The following USP34 variants were observed in gnomAD, a reference collection of about 807,000 sequenced individuals.
USP34 encodes ubiquitin carboxyl-terminal hydrolase 34.
A neutral mutation model predicts 460.3 loss-of-function variants in USP34; 70 were observed. That is an observed-to-expected ratio of 0.15 (90% CI 0.13 to 0.19). The LOEUF is 0.19. Ranked by LOEUF, USP34 falls within the 10% of genes least tolerant of loss-of-function variation. The pLI is 1.00. For missense variants in USP34, 3,985 were observed against 4,236.2 expected, an observed-to-expected ratio of 0.94 and a Z score of 1.65; for synonymous variants, 1,647 against 1,405.3, an observed-to-expected ratio of 1.17 and a Z score of -3.85.
rs567085487 is a variant in USP34 at position 61,248,812 on chromosome 2, A to C, written c.6222-129T>G. On this transcript the variant is annotated intron_variant, in intron 48 of 79. Transcript: ENST00000398571. ...AGAAGTATAGTAGTTCCCCTTATCCACAGGGGATACCTTCTGAGAACACCC... is the reference window on the plus strand; with the variant it reads ...AGAAGTATAGTAGTTCCCCTTATCCCCAGGGGATACCTTCTGAGAACACCC... The C allele has an allele frequency of 9.0e-6, 7 of 779,102 alleles. No individual in the cohort carries two copies. The East Asian group carries it at 2.0e-4, about 22-fold the overall frequency. The allele number at this position is 779,102 out of a possible 1,614,324, so 48.3% of individuals were successfully genotyped here.
chr2:61,271,854 T>A (rs1328559437), intron 41 of USP34, among the ~76,000 whole-genome samples: 2 of 152,188 alleles, frequency 1.3e-5, no homozygotes, highest in East Asian at 1.9e-4. Context: ...AACTATTTTT[T>A]AAAAATACTT....
intron 64 of USP34, 55 bp from the exon 65 acceptor site, chr2:61,222,718 A>G: frequency 6.5e-7 from 1 of 1,548,978 alleles, no homozygotes; most frequent in Non-Finnish European, 8.8e-7. Flanking sequence ...TGTTTTTGAG[A>G]CAGGGTTTCG....
chr2:61,422,321 T>C (rs144634760), intron 1 of USP34, among the ~76,000 whole-genome samples: 7 of 152,054 alleles, frequency 4.6e-5, no homozygotes, highest in African/African-American at 1.7e-4. Flanking sequence ...CATATCCTAC[T>C]CTAACAAAAA....
intron 23 of USP34, among the ~76,000 whole-genome samples, chr2:61,316,143 T>G (rs1171254828): frequency 1.3e-5 from 2 of 151,668 alleles, no homozygotes; most frequent in Non-Finnish European, 2.9e-5. Context: ...GAGGCGGAGG[T>G]TGCAGTGAGC....
intron 43 of USP34, among the ~76,000 whole-genome samples, chr2:61,264,411 G>C (rs1405839830): frequency 6.6e-6 from 1 of 152,202 alleles, no homozygotes; most frequent in East Asian, 1.9e-4. Flanking sequence ...CAAGGTAGAA[G>C]CATCTTGTAA....
At chr2:61,257,132 A>G (rs777186894) in intron 45 of USP34, 24 bp from the exon 46 acceptor site, 29 of 1,572,894 alleles carry the variant, frequency 1.8e-5, no homozygotes, top group Admixed American at 6.1e-5. Flanking sequence ...CAAACAAAAA[A>G]TAAGAAACTA....
intron 1 of USP34, among the ~76,000 whole-genome samples, chr2:61,470,398 G>A (rs889076957): frequency 8.6e-5 from 13 of 151,634 alleles, no homozygotes; most frequent in Non-Finnish European, 1.3e-4. Context: ...CTTTCCGAGA[G>A]CCCAGAGCGC....
intron 1 of USP34, among the ~76,000 whole-genome samples, chr2:61,463,126 A>G (rs1322287155): frequency 1.3e-5 from 2 of 152,194 alleles, no homozygotes; most frequent in African/African-American, 4.8e-5. Flanking sequence ...AGTATCTAAA[A>G]AGCTCTGGAA....
rs760366523 is a variant in USP34 at position 61,343,891 on chromosome 2, T to G, written c.2424A>C (p.Ser808=). 1.2e-6 allele frequency: 2 copies of G among 1,614,006 alleles called. No homozygotes were observed. The highest frequency in any genetic ancestry group is 2.2e-5 in the South Asian group (2 of 91,086). The part of the protein sequence containing the change: ...GCEEELVQIN[S]HAELTSHLQQ... ...GGAGGTGAGATGTCAGTTCCGCATG[T>G]GAATTAATCTGAACTAGCTCCTCTT... The change falls in exon 16 of 80, where the codon TCA becomes TCC. Residue 808 remains serine, a synonymous_variant. Coordinates refer to ENST00000398571, the MANE Select transcript of USP34 (RefSeq NM_014709.4).
At chr2:61,416,821 T>TTTGG (rs770675371) in intron 2 of USP34, 12 of 219,574 alleles carry the variant, frequency 5.5e-5, no homozygotes, top group South Asian at 2.5e-4. Context: ...TTTTTTTTTT[T>TTTGG]GGGGGGGGGG....
Position 61,295,185 on chromosome 2 carries a change from T to C in USP34, c.4360A>G (p.Ile1454Val), listed in dbSNP as rs375984046. ...GCAATTACCGTAGACTCCCTCCTTA[T>C]TCTTCTATTAGGTTTTCCCAGTGCT... ...IEALGKPNRR[I>V]RRESTGSYSD... The change falls in exon 31 of 80, where the codon ATA becomes GTA. Residue 1454 changes from isoleucine (I) to valine (V), a missense_variant. Physicochemically the swap from Ile to Val is conservative, Grantham distance 29. Coordinates refer to ENST00000398571, the MANE Select transcript of USP34 (RefSeq NM_014709.4). The C allele has an allele frequency of 2.7e-5, 43 of 1,610,756 alleles. No homozygotes were observed. Among genetic ancestry groups the C allele is most frequent in the Non-Finnish European group, 3.6e-5 (43 of 1,179,118 alleles).
intron 27 of USP34, among the ~76,000 whole-genome samples, chr2:61,309,706 T>C (rs1690527271): frequency 6.6e-6 from 1 of 152,184 alleles, no homozygotes; most frequent in South Asian, 2.1e-4. Context: ...GATCTACTCC[T>C]GAGAGTTATG....
intron 3 of USP34, among the ~76,000 whole-genome samples, chr2:61,397,791 C>T (rs1260411049): frequency 3.3e-5 from 5 of 151,774 alleles, no homozygotes; most frequent in African/African-American, 4.8e-5. Context: ...CCCAGCTCCT[C>T]GGGAGGCTGA....
Position 61,242,433 on chromosome 2 carries a change from G to T in USP34, c.6628-614C>A, listed in dbSNP as rs145417645. On this transcript the variant is annotated intron_variant, in intron 51 of 79. Transcript: ENST00000398571. ...AGAAAAAGGTAAGAGTCAGAAAAAGGTAAGAGTCAACCAAAGATAATACAT... is the reference window on the plus strand; with the variant it reads ...AGAAAAAGGTAAGAGTCAGAAAAAGTTAAGAGTCAACCAAAGATAATACAT... 2.6e-4 allele frequency among the ~76,000 whole-genome samples: 35 copies of T among 134,460 alleles called. 1 individual carries two copies. The East Asian group carries it at 6.6e-3, about 26-fold the overall frequency. 88.2% of individuals were successfully genotyped at this position (134,460 alleles called of 152,430 possible).
At chr2:61,264,360 C>T (rs1688984727) in intron 43 of USP34, among the ~76,000 whole-genome samples, 2 of 152,122 alleles carry the variant, frequency 1.3e-5, no homozygotes, top group Non-Finnish European at 2.9e-5. Flanking sequence ...TGAGGCCAGG[C>T]TTGGTAGCTT....
intron 41 of USP34, among the ~76,000 whole-genome samples, chr2:61,270,157 G>T (rs1349842086): frequency 3.3e-5 from 5 of 152,314 alleles, no homozygotes; most frequent in African/African-American, 9.6e-5. Flanking sequence ...CAATGTGATG[G>T]TATTAGAAGG....
intron 3 of USP34, among the ~76,000 whole-genome samples, chr2:61,398,188 G>C (rs949403280): frequency 6.6e-6 from 1 of 152,022 alleles, no homozygotes; most frequent in Non-Finnish European, 1.5e-5. Flanking sequence ...TCACGGGCGA[G>C]ACCCAATCTC....
rs1308767172 is a variant in USP34, at chr2:61,204,482, T to C, written c.9259+15A>G. 11 of 1,613,056 alleles carry C rather than the reference T, an allele frequency of 6.8e-6. No individual in the cohort carries two copies. The highest frequency in any genetic ancestry group is 1.3e-5 in the African/African-American group (1 of 74,920). On this transcript the variant is annotated intron_variant, in intron 73 of 79. Coordinates refer to ENST00000398571, the MANE Select transcript of USP34 (RefSeq NM_014709.4). ...TGCGAACCATATTGAAGTACTGTGC[T>C]AGATAAATACGTACTTGGTATATTA...
At chr2:61,391,212 A>G (rs1693335036) in intron 5 of USP34, among the ~76,000 whole-genome samples, 2 of 152,172 alleles carry the variant, frequency 1.3e-5, no homozygotes, top group African/African-American at 4.8e-5. Flanking sequence ...TTAGGAGGCC[A>G]AGGCGGGCGG....
Sources: gnomAD v4.1 joint callset for allele counts (sites outside exome capture counted in the v4.1 genomes callset) on GRCh38, gnomAD v4.1.1 for gene constraint, MANE v1.5 for transcripts, NCBI Gene and HGNC (gene_info 2026-07-23, HGNC 2026-07-21) for gene names.